The following TENM3 variants were observed in gnomAD, a reference collection of about 807,000 sequenced individuals.
TENM3 encodes teneurin-3.
In TENM3, 63 loss-of-function variants were observed where a neutral mutation model predicts 255.1. That is an observed-to-expected ratio of 0.25 (90% confidence interval 0.20 to 0.30). TENM3 has a LOEUF of 0.30. Among genes scored for constraint, TENM3 ranks in the 10% least tolerant of loss-of-function variants. TENM3 has a pLI of 1.00. For synonymous variants in TENM3, 1,306 were observed against 1,322.3 expected, an observed-to-expected ratio of 0.99 and a Z score of 0.27; for missense variants, 2,929 against 3,461.1, an observed-to-expected ratio of 0.85 and a Z score of 3.86.
At chr4:182,111,776 C>A in the TENM3 span, among the ~76,000 whole-genome samples, 1 of 152,134 alleles carries the variant, frequency 6.6e-6, no homozygotes, top group African/African-American at 2.4e-5. Context: ...AGGATCCAAG[C>A]TCTGTTTGCT....
At chr4:182,640,118 G>T (rs1262644036) in intron 5 of TENM3, among the ~76,000 whole-genome samples, 1 of 152,050 alleles carries the variant, frequency 6.6e-6, no homozygotes, top group Non-Finnish European at 1.5e-5. Context: ...TAATTTTGCT[G>T]ATTTCTATTC....
the TENM3 span, among the ~76,000 whole-genome samples, chr4:181,922,540 C>A: frequency 6.6e-6 from 1 of 152,208 alleles, no homozygotes; most frequent in Admixed American, 6.5e-5. Context: ...TTGTAGTATT[C>A]TCTGATGGTA....
intron 3 of TENM3, among the ~76,000 whole-genome samples, chr4:182,533,674 G>T (rs919928688): frequency 3.3e-5 from 5 of 152,074 alleles, no homozygotes; most frequent in Admixed American, 6.5e-5. Flanking sequence ...CTTTCACTTT[G>T]GGAGGCCAAG....
intron 12 of TENM3, among the ~76,000 whole-genome samples, chr4:182,693,256 G>A (rs907500806): frequency 6.6e-6 from 1 of 151,950 alleles, no homozygotes; most frequent in Non-Finnish European, 1.5e-5. Context: ...TAATAAAAAA[G>A]GTATGGGCTT....
intron 3 of TENM3, among the ~76,000 whole-genome samples, chr4:182,507,518 A>G (rs537569175): frequency 6.6e-6 from 1 of 152,134 alleles, no homozygotes; most frequent in Non-Finnish European, 1.5e-5. Context: ...TTTTTTTTAT[A>G]TAAATCAGTG....
At chr4:181,605,514 GAAAGAA>G in the TENM3 span, among the ~76,000 whole-genome samples, 9 of 17,580 alleles carry the variant, frequency 5.1e-4, 1 homozygote, top group Admixed American at 2.9e-3. Context: ...AAGAAAGAAA[GAAAGAA>G]AGAAAGAAAG....
the TENM3 span, among the ~76,000 whole-genome samples, chr4:181,977,262 G>A: frequency 1.4e-3 from 209 of 152,232 alleles, no homozygotes; most frequent in African/African-American, 4.6e-3. Context: ...AAGAACCACC[G>A]TTAAAGTTTC....
chr4:182,421,575 A>G (rs1770835431), intron 3 of TENM3, among the ~76,000 whole-genome samples: 1 of 152,204 alleles, frequency 6.6e-6, no homozygotes, highest in Non-Finnish European at 1.5e-5. Context: ...GCCTCTGGTC[A>G]TAACTATCTT....
intron 1 of TENM3, among the ~76,000 whole-genome samples, chr4:182,231,990 A>G (rs183072708): frequency 6.6e-6 from 1 of 152,202 alleles, no homozygotes; most frequent in Non-Finnish European, 1.5e-5. Flanking sequence ...TGCATTGAAA[A>G]TCATTTGCCT....
chr4:181,815,693 T>G, the TENM3 span, among the ~76,000 whole-genome samples: 1 of 152,132 alleles, frequency 6.6e-6, no homozygotes, highest in South Asian at 2.1e-4. Context: ...AGGCTGTCAT[T>G]TTCCAAGAAA....
At chr4:182,722,224 T>A (rs1405908161) in intron 13 of TENM3, among the ~76,000 whole-genome samples, 1 of 152,172 alleles carries the variant, frequency 6.6e-6, no homozygotes, top group African/African-American at 2.4e-5. Context: ...AGAACATTTT[T>A]AAGTACCTAT....
At chr4:182,557,506 G>A (rs1329846364) in intron 3 of TENM3, among the ~76,000 whole-genome samples, 2 of 152,186 alleles carry the variant, frequency 1.3e-5, no homozygotes, top group African/African-American at 4.8e-5. Flanking sequence ...TGAGCTAACA[G>A]ATGAGCCCTC....
the TENM3 span, among the ~76,000 whole-genome samples, chr4:181,869,108 A>T: frequency 2.0e-5 from 3 of 152,040 alleles, no homozygotes; most frequent in Non-Finnish European, 4.4e-5. Flanking sequence ...TTCCTTTCAT[A>T]AAAAATAATT....
the TENM3 span, among the ~76,000 whole-genome samples, chr4:181,551,848 G>C: frequency 2.2e-4 from 4 of 18,088 alleles, no homozygotes; most frequent in African/African-American, 6.5e-4. Flanking sequence ...ATGTGTGTGT[G>C]TGTGTGTGTG....
At chr4:182,202,727 CAGAG>C (rs373483487) in intron 1 of TENM3, among the ~76,000 whole-genome samples, 33 of 151,640 alleles carry the variant, frequency 2.2e-4, no homozygotes, top group Admixed American at 5.9e-4. Context: ...CAGAATGTGG[CAGAG>C]AGAGAGAGAG....
At chr4:181,622,369 C>A in the TENM3 span, among the ~76,000 whole-genome samples, 4 of 152,106 alleles carry the variant, frequency 2.6e-5, no homozygotes, top group African/African-American at 9.7e-5. Context: ...TTGAAACCTT[C>A]TTCTTATAAT....
At chr4:181,734,957 T>C in the TENM3 span, among the ~76,000 whole-genome samples, 1 of 152,124 alleles carries the variant, frequency 6.6e-6, no homozygotes, top group African/African-American at 2.4e-5. Flanking sequence ...AGTTAAACAC[T>C]CTCAATGTTC....
the TENM3 span, among the ~76,000 whole-genome samples, chr4:182,083,558 G>A: frequency 3.3e-5 from 5 of 152,010 alleles, no homozygotes; most frequent in Non-Finnish European, 7.4e-5. Flanking sequence ...CATTTTAGAC[G>A]TTAAAGGCAT....
At chr4:181,984,660 T>TA in the TENM3 span, among the ~76,000 whole-genome samples, 1 of 152,064 alleles carries the variant, frequency 6.6e-6, no homozygotes, top group Admixed American at 6.6e-5. Context: ...CAAAGCAAAG[T>TA]AATCTCTAGT....
Sources: gnomAD v4.1 joint callset for allele counts (sites outside exome capture counted in the v4.1 genomes callset) on GRCh38, gnomAD v4.1.1 for gene constraint, MANE v1.5 for transcripts, NCBI Gene and HGNC (gene_info 2026-07-23, HGNC 2026-07-21) for gene names.